The following SBF2 variants were observed in gnomAD, a reference collection of about 807,000 sequenced individuals.
The protein encoded by SBF2 is myotubularin-related protein 13.
In SBF2, 112 loss-of-function variants were observed where a neutral mutation model predicts 225.2. The ratio of observed to expected loss-of-function variants is 0.50; its 90% CI spans 0.43 to 0.58. The LOEUF (loss-of-function observed/expected upper bound fraction) is 0.58, where lower values mean the gene tolerates loss of function less well. Among genes scored for constraint, SBF2 ranks in the 20% least tolerant of loss-of-function variants. The pLI is 0.00. For missense variants in SBF2, 1,996 were observed against 2,206.2 expected (o/e 0.90, Z 1.91); for synonymous variants, 763 against 773.3 (o/e 0.99, Z 0.22).
chr11:10,250,982 T>C (rs912083483), intron 1 of SBF2, among the ~76,000 whole-genome samples: 7 of 152,236 alleles, frequency 4.6e-5, no homozygotes, highest in Non-Finnish European at 7.3e-5. Context: ...TCAAGACTTC[T>C]ACTATCATTA....
In SBF2 at chr11:10,001,965, C is replaced by T. The variant is rs138137271; in HGVS notation, c.752+592G>A. Among the ~76,000 whole-genome samples, 226 of 152,118 alleles carry T rather than the reference C, an allele frequency of 1.5e-3. 1 individual carries two copies. The highest frequency in any genetic ancestry group is 5.3e-3 in the African/African-American group (218 of 41,486). On this transcript the variant is annotated intron_variant, in intron 7 of 39. Transcript: ENST00000256190. ...TTCTAGTTACAGCACTATTAGTCAT[C>T]ACTGTTTAGATTTTATTTTGTTTTT...
chr11:10,115,318 G>A (rs1383443612), intron 2 of SBF2, among the ~76,000 whole-genome samples: 4 of 152,172 alleles, frequency 2.6e-5, no homozygotes, highest in Middle Eastern at 6.8e-3. Flanking sequence ...TAGAGTAATT[G>A]TCATAAAAAT....
chr11:10,158,659 G>A (rs1027092061), intron 2 of SBF2, among the ~76,000 whole-genome samples: 1 of 151,984 alleles, frequency 6.6e-6, no homozygotes, highest in Non-Finnish European at 1.5e-5. Context: ...TAATAAGCAA[G>A]GAGACTGAAT....
In SBF2 at chr11:10,239,436, A is replaced by T. The variant is rs896763165; in HGVS notation, c.56-45449T>A. Among the ~76,000 whole-genome samples, 5 of 150,816 alleles carry T rather than the reference A, an allele frequency of 3.3e-5. 1 individual carries two copies. The South Asian group carries it at 1.1e-3, about 32-fold the overall frequency. ...ACTGGAAAATATGTTAAACAAAATG[A>T]TTAAAAATACAATATCAAAACTTGT... On this transcript the variant is annotated intron_variant, in intron 1 of 39. Coordinates refer to ENST00000256190, the MANE Select transcript of SBF2 (RefSeq NM_030962.4).
intron 2 of SBF2, among the ~76,000 whole-genome samples, chr11:10,080,401 C>T (rs1193448587): frequency 1.3e-5 from 2 of 151,512 alleles, no homozygotes; most frequent in East Asian, 1.9e-4. Context: ...AAGTTTTTAA[C>T]ATGGAAACAA....
chr11:9,809,264 G>C, intron 30 of SBF2: 1 of 399,704 alleles, frequency 2.5e-6, no homozygotes, highest in South Asian at 2.4e-5. Context: ...TTCGGAGTTC[G>C]AGACCAGCCT....
chr11:10,104,894 CT>C (rs1952482555), intron 2 of SBF2, among the ~76,000 whole-genome samples: 1 of 152,184 alleles, frequency 6.6e-6, no homozygotes, highest in Admixed American at 6.5e-5. Context: ...ATTATTTTCT[CT>C]TCTTCACTGA....
At chr11:9,951,286 G>C (rs918406416) in intron 16 of SBF2, among the ~76,000 whole-genome samples, 2 of 152,180 alleles carry the variant, frequency 1.3e-5, no homozygotes, top group Non-Finnish European at 2.9e-5. Flanking sequence ...TACTATGAAG[G>C]CAAAGGATTT....
intron 2 of SBF2, among the ~76,000 whole-genome samples, chr11:10,160,542 T>C (rs1375658553): frequency 6.6e-6 from 1 of 152,216 alleles, no homozygotes; most frequent in Non-Finnish European, 1.5e-5. Flanking sequence ...TACACCACAA[T>C]GTTAACAGTG....
intron 1 of SBF2, among the ~76,000 whole-genome samples, chr11:10,245,045 G>C (rs1192980245): frequency 2.0e-5 from 3 of 148,004 alleles, no homozygotes; most frequent in African/African-American, 7.5e-5. Context: ...GAGGTGGGAG[G>C]ATTGCTTACA....
intron 2 of SBF2, among the ~76,000 whole-genome samples, chr11:10,156,652 T>C (rs548619499): frequency 6.6e-6 from 1 of 152,268 alleles, no homozygotes; most frequent in South Asian, 2.1e-4. Context: ...AAATCAGGAA[T>C]GAACTTCCAT....
In SBF2 at chr11:9,789,097, C is replaced by G. The variant is rs751283868; in HGVS notation, c.4932+12G>C. ...CCTGGTGCCCCTAGGTGTGTGTCTA[C>G]AGTTGACTTACACTGAAAAGGCTGG... On this transcript the variant is annotated intron_variant, in intron 35 of 39. Coordinates refer to ENST00000256190, the MANE Select transcript of SBF2 (RefSeq NM_030962.4). 5.0e-6 allele frequency: 8 copies of G among 1,612,584 alleles called. No individual in the cohort carries two copies. Among genetic ancestry groups the G allele is most frequent in the Non-Finnish European group, 6.8e-6 (8 of 1,178,710 alleles).
chr11:10,183,757 T>C (rs1190150084), intron 2 of SBF2, among the ~76,000 whole-genome samples: 1 of 152,146 alleles, frequency 6.6e-6, no homozygotes, highest in Non-Finnish European at 1.5e-5. Context: ...CTCATCCATA[T>C]GTAGAAGCTA....
chr11:10,088,568 G>A (rs1033460068), intron 2 of SBF2, among the ~76,000 whole-genome samples: 1 of 152,172 alleles, frequency 6.6e-6, no homozygotes, highest in African/African-American at 2.4e-5. Flanking sequence ...GGGAAGGGAA[G>A]CCAACATGTG....
chr11:10,087,553 A>T (rs1951620154), intron 2 of SBF2, among the ~76,000 whole-genome samples: 1 of 152,126 alleles, frequency 6.6e-6, no homozygotes, highest in Non-Finnish European at 1.5e-5. Context: ...TGGCTAAAAC[A>T]TTGTTTTTCT....
chr11:10,015,791 G>GA (rs1432540288), intron 6 of SBF2, among the ~76,000 whole-genome samples: 2 of 151,954 alleles, frequency 1.3e-5, no homozygotes, highest in Non-Finnish European at 2.9e-5. Flanking sequence ...AGACTCTGGG[G>GA]AAAAACTTGT....
intron 28 of SBF2, among the ~76,000 whole-genome samples, chr11:9,818,526 C>T (rs531510806): frequency 7.0e-4 from 106 of 152,258 alleles, no homozygotes; most frequent in Admixed American, 2.5e-3. Context: ...TACTGCCTCC[C>T]TCAAGTGGGT....
rs368659540 is a variant in SBF2 at position 9,779,848 on chromosome 11, A to G, written c.*570T>C. The G allele has an allele frequency of 1.1e-5, 2 of 180,788 alleles. No homozygotes were observed. Among genetic ancestry groups the G allele is most frequent in the African/African-American group, 2.4e-5 (1 of 42,530 alleles). 11.2% of individuals were successfully genotyped at this position (180,788 alleles called of 1,614,324 possible). ...GCTGTGTGCTCCCTCTTTGCCTGCT[A>G]CTGAACAATGACGTCTCTTGTTGTG... On this transcript the variant is annotated 3_prime_UTR_variant, in exon 40 of 40. Transcript: ENST00000256190.
At chr11:10,161,497 T>C (rs1303184445) in intron 2 of SBF2, among the ~76,000 whole-genome samples, 1 of 152,216 alleles carries the variant, frequency 6.6e-6, no homozygotes, top group Non-Finnish European at 1.5e-5. Context: ...ACTCTCCATA[T>C]TGGATAATAT....
Sources: gnomAD v4.1 joint callset for allele counts (sites outside exome capture counted in the v4.1 genomes callset) on GRCh38, gnomAD v4.1.1 for gene constraint, MANE v1.5 for transcripts, NCBI Gene and HGNC (gene_info 2026-07-23, HGNC 2026-07-21) for gene names.